Variants in SESTD1 observed in about 807,000 individuals in gnomAD.
SESTD1 encodes SEC14 and spectrin domain containing 1.
In SESTD1, 43 loss-of-function variants were observed where a neutral mutation model predicts 101.7. The observed-to-expected ratio is 0.42, with a 90% CI of 0.33 to 0.55. The LOEUF is 0.55. Among genes scored for constraint, SESTD1 ranks in the 20% least tolerant of loss-of-function variants. The pLI, the probability that SESTD1 is intolerant of heterozygous loss-of-function variation, is 0.07. For missense variants in SESTD1, 647 were observed against 815.1 expected, an observed-to-expected ratio of 0.79 and a Z score of 2.51; for synonymous variants, 283 against 286.8, an observed-to-expected ratio of 0.99 and a Z score of 0.13.
intron 3 of SESTD1, among the ~76,000 whole-genome samples, chr2:179,176,907 G>A (rs1234203828): frequency 6.6e-6 from 1 of 152,218 alleles, no homozygotes; most frequent in Non-Finnish European, 1.5e-5. Context: ...ATTGCCAAAT[G>A]TGTTATATAT....
chr2:179,130,185 TAA>T (rs1416978609), intron 10 of SESTD1, among the ~76,000 whole-genome samples: 1 of 152,182 alleles, frequency 6.6e-6, no homozygotes, highest in African/African-American at 2.4e-5. Context: ...TAGCTTTCTC[TAA>T]GAGACAGCTA....
intron 3 of SESTD1, among the ~76,000 whole-genome samples, chr2:179,181,017 G>A (rs745862805): frequency 6.6e-6 from 1 of 152,192 alleles, no homozygotes; most frequent in African/African-American, 2.4e-5. Flanking sequence ...TTGCTAGAAT[G>A]AGTTCTTTCA....
chr2:179,131,521 AT>A (rs1203380349), intron 10 of SESTD1, among the ~76,000 whole-genome samples: 1 of 152,124 alleles, frequency 6.6e-6, no homozygotes, highest in African/African-American at 2.4e-5. Context: ...AAGGGAATTA[AT>A]GGATTCAAAT....
intron 11 of SESTD1, among the ~76,000 whole-genome samples, chr2:179,124,086 G>A (rs1222200491): frequency 6.6e-6 from 1 of 152,060 alleles, no homozygotes; most frequent in African/African-American, 2.4e-5. Context: ...TTCCATCTAA[G>A]TTATAAAGCA....
At chr2:179,141,458 C>A (rs1037438059) in intron 9 of SESTD1, among the ~76,000 whole-genome samples, 2 of 152,022 alleles carry the variant, frequency 1.3e-5, no homozygotes, top group Admixed American at 6.6e-5. Context: ...CCTATTTTTA[C>A]TCATCATGAC....
intron 1 of SESTD1, among the ~76,000 whole-genome samples, chr2:179,202,984 TC>T (rs1405287347): frequency 7.4e-6 from 1 of 134,926 alleles, no homozygotes; most frequent in Non-Finnish European, 1.6e-5. Context: ...AGATGAGACC[TC>T]CACCTCATTG....
chr2:179,152,275 AG>A (rs2045545574), intron 5 of SESTD1, among the ~76,000 whole-genome samples: 1 of 152,240 alleles, frequency 6.6e-6, no homozygotes, highest in South Asian at 2.1e-4. Context: ...CTGAGGTTAC[AG>A]GGAAACCTGT....
At chr2:179,152,024 G>T (rs1266000036) in intron 5 of SESTD1, among the ~76,000 whole-genome samples, 9 of 151,918 alleles carry the variant, frequency 5.9e-5, no homozygotes, top group Admixed American at 5.9e-4. Context: ...AGAGACCACT[G>T]CAGAACTAAA....
chr2:179,109,982 C>G lies in SESTD1; in HGVS notation c.2008G>C (p.Glu670Gln), dbSNP rs1355933619. The change falls in exon 18 of 18, where the codon GAA (glutamate) becomes CAA (glutamine). Residue 670 changes from glutamate (E) to glutamine (Q), a missense_variant. This residue lies in a region of SESTD1 where 476 missense variants were observed against 562.6 expected (regional missense o/e 0.85). Coordinates refer to ENST00000428443, the MANE Select transcript of SESTD1 (RefSeq NM_178123.5). ...AGTTTCATCCTGTCTCTGATGTTTTCTGCAGTAGAAGCCATGTCACTTGGA... is the reference window on the plus strand; with the variant it reads ...AGTTTCATCCTGTCTCTGATGTTTTGTGCAGTAGAAGCCATGTCACTTGGA... ...GSPSDMASTA[E>Q]NIRDRMKLVN... 10 of 1,613,830 alleles carry G rather than the reference C, an allele frequency of 6.2e-6. No individual in the cohort carries two copies. Among genetic ancestry groups the G allele is most frequent in the Non-Finnish European group, 8.5e-6 (10 of 1,179,886 alleles).
At position 179,107,491 on chromosome 2, in the gene SESTD1, G is replaced by C. The variant is rs1220361867; in HGVS notation, c.*2408C>G. The C allele has an allele frequency of 1.3e-5, 2 of 152,060 alleles. No homozygotes were observed. Among genetic ancestry groups the C allele is most frequent in the Non-Finnish European group, 2.9e-5 (2 of 68,004 alleles). The allele number at this position is 152,060 out of a possible 1,614,324, so 9.4% of individuals were successfully genotyped here. Reference sequence around the variant, plus strand: ...AACAAACCAGTTCCTTTCTAGCAAAGTCTTAAGAAAAACATTCTAACTACT... The same window carrying C: ...AACAAACCAGTTCCTTTCTAGCAAACTCTTAAGAAAAACATTCTAACTACT... On this transcript the variant is annotated 3_prime_UTR_variant, in exon 18 of 18. Coordinates refer to ENST00000428443, the MANE Select transcript of SESTD1 (RefSeq NM_178123.5).
intron 1 of SESTD1, among the ~76,000 whole-genome samples, chr2:179,259,461 C>CTCG (rs1369324118): frequency 6.6e-6 from 1 of 152,080 alleles, no homozygotes; most frequent in African/African-American, 2.4e-5. Context: ...AACTCCTGAC[C>CTCG]TCGTGATCCA....
chr2:179,156,166 ATGTG>A (rs2045627368), intron 5 of SESTD1, among the ~76,000 whole-genome samples: 1 of 152,018 alleles, frequency 6.6e-6, no homozygotes, highest in Non-Finnish European at 1.5e-5. Context: ...ATATATGTAT[ATGTG>A]TGTGTATATA....
Position 179,112,775 on chromosome 2 carries a change from A to G in SESTD1, c.1910T>C (p.Val637Ala). The G allele has an allele frequency of 1.2e-6, 2 of 1,613,310 alleles. No homozygotes were observed. The highest frequency in any genetic ancestry group is 1.3e-5 in the African/African-American group (1 of 75,046). Reference sequence around the variant, plus strand: ...TAATCTATCCAAAAGTGATTTCCCAACTGCTTCAATTTCATCAAATTGCTC... The same window carrying G: ...TAATCTATCCAAAAGTGATTTCCCAGCTGCTTCAATTTCATCAAATTGCTC... ...DEEQFDEIEA[V>A]GKSLLDRLTV... Residue 637 changes from valine (V) to alanine (A), a missense_variant, in exon 17 of 18, where the codon GTT becomes GCT. Val to Ala is a moderately conservative substitution (Grantham distance 64). Transcript: ENST00000428443.
intron 1 of SESTD1, among the ~76,000 whole-genome samples, chr2:179,210,861 C>T (rs528371052): frequency 2.2e-5 from 3 of 134,172 alleles, no homozygotes; most frequent in East Asian, 2.0e-4. Context: ...AAGAAATAAA[C>T]GGCATCTAAA....
At chr2:179,165,899 C>T (rs1409603935) in intron 5 of SESTD1, among the ~76,000 whole-genome samples, 1 of 152,158 alleles carries the variant, frequency 6.6e-6, no homozygotes, top group Non-Finnish European at 1.5e-5. Context: ...CCAACTCTTA[C>T]ATAACAATGA....
At chr2:179,188,472 T>G (rs1420320158) in intron 2 of SESTD1, among the ~76,000 whole-genome samples, 1 of 152,112 alleles carries the variant, frequency 6.6e-6, no homozygotes, top group Non-Finnish European at 1.5e-5. Flanking sequence ...ACCCCATCTT[T>G]ACAAAAAATA....
At chr2:179,248,004 A>G (rs1254555954) in intron 1 of SESTD1, among the ~76,000 whole-genome samples, 2 of 151,904 alleles carry the variant, frequency 1.3e-5, no homozygotes, top group African/African-American at 4.8e-5. Flanking sequence ...TCTCAAACCA[A>G]TAATTTAAGC....
Position 179,216,033 on chromosome 2 carries a change from G to A in SESTD1, c.-25-24167C>T. Among the ~76,000 whole-genome samples the A allele has an allele frequency of 1.5e-5, 2 of 134,990 alleles. 1 individual carries two copies. The highest frequency in any genetic ancestry group is 3.2e-5 in the Non-Finnish European group (2 of 62,804). The allele number at this position is 134,990 out of a possible 152,430, so 88.6% of individuals were successfully genotyped here. On this transcript the variant is annotated intron_variant, in intron 1 of 17. Transcript: ENST00000428443. ...TGACAAATGCACAGCCAATATCATA[G>A]TGAATGGGCAAAAACTGGAAGCATC...
Position 179,109,498 on chromosome 2 carries a change from G to A in SESTD1, c.*401C>T, listed in dbSNP as rs2044460002. 2.6e-6 allele frequency: 1 copy of A among 386,740 alleles called. No individual in the cohort carries two copies. Among genetic ancestry groups the A allele is most frequent in the South Asian group, 1.4e-4 (1 of 7,100 alleles). 24.0% of individuals were successfully genotyped at this position (386,740 alleles called of 1,614,324 possible). On this transcript the variant is annotated 3_prime_UTR_variant, in exon 18 of 18. Coordinates refer to ENST00000428443, the MANE Select transcript of SESTD1 (RefSeq NM_178123.5). ...AGGACACCACTGTCTACTAACAAGA[G>A]TTTAACTACTGTCTAAATTTACTAA...
Sources: gnomAD v4.1 joint callset for allele counts (sites outside exome capture counted in the v4.1 genomes callset) on GRCh38, gnomAD v4.1.1 for gene constraint, gnomAD v4.1.1 regional missense constraint, MANE v1.5 for transcripts, NCBI Gene and HGNC (gene_info 2026-07-23, HGNC 2026-07-21) for gene names.